The following ZNF43 variants were observed in gnomAD, a reference collection of about 807,000 sequenced individuals.
The protein encoded by ZNF43 is zinc finger protein 43, also known as zinc finger protein 39-like 1 (KOX 27).
In ZNF43, 44 loss-of-function variants were observed where a neutral mutation model predicts 68.4. That is an observed-to-expected ratio of 0.64 (90% CI 0.51 to 0.83). The LOEUF (loss-of-function observed/expected upper bound fraction) is 0.83, where lower values mean the gene tolerates loss of function less well. Among genes scored for constraint, ZNF43 ranks in the 40% least tolerant of loss-of-function variants. The pLI, the probability that ZNF43 is intolerant of heterozygous loss-of-function variation, is 0.00. For missense variants in ZNF43, 896 were observed against 933.2 expected (o/e 0.96, Z 0.52); for synonymous variants, 308 against 307.8 (o/e 1.00, Z -0.01).
Position 21,809,280 on chromosome 19 carries a change from T to C in ZNF43, c.757A>G (p.Thr253Ala), listed in dbSNP as rs1206800151. ...TCACATTTGTAGAGTTTGTATCTAG[T>C]ATAATTTTTTTTATGTGTAGTAAGG... is the stretch of plus-strand genomic sequence containing the variant. ...SRLTTHKKNY[T>A]RYKLYKCEEC... Residue 253 changes from threonine to alanine, a missense_variant, in exon 4 of 4, where the codon ACT becomes GCT. Thr to Ala is a moderately conservative substitution (Grantham distance 58). Coordinates refer to ENST00000354959, the MANE Select transcript of ZNF43 (RefSeq NM_003423.4). 6.2e-7 allele frequency: 1 copy of C among 1,613,530 alleles called. No individual in the cohort carries two copies. The highest frequency in any genetic ancestry group is 1.3e-5 in the African/African-American group (1 of 74,856).
intron 1 of ZNF43, 142 bp from the exon 2 acceptor site, chr19:21,819,363 A>G (rs1287524698): frequency 1.1e-6 from 1 of 946,920 alleles, no homozygotes; most frequent in African/African-American, 1.7e-5. Flanking sequence ...TTATCCAATA[A>G]AATAATTCTT....
rs560288043 is a variant in ZNF43 at position 21,823,998 on chromosome 19, G to A, written c.4-4777C>T. ...AGATCAAGACCATCCTGGCTAACAC[G>A]GTGAAACCCTGTCTCTACTAAAAAC... On this transcript the variant is annotated intron_variant, in intron 1 of 3. Coordinates refer to ENST00000354959, the MANE Select transcript of ZNF43 (RefSeq NM_003423.4). 5.3e-5 allele frequency among the ~76,000 whole-genome samples: 8 copies of A among 152,200 alleles called. No individual in the cohort carries two copies. In the South Asian group the frequency reaches 1.2e-3, roughly 24 times the overall value.
At chr19:21,814,977 C>T (rs958714996) in intron 3 of ZNF43, among the ~76,000 whole-genome samples, 5 of 151,742 alleles carry the variant, frequency 3.3e-5, no homozygotes, top group Non-Finnish European at 7.4e-5. Flanking sequence ...CACCTGAGGT[C>T]AGAAATTCAA....
At chr19:21,834,804 GAAGGA>G (rs937298007) in intron 1 of ZNF43, among the ~76,000 whole-genome samples, 4 of 149,982 alleles carry the variant, frequency 2.7e-5, no homozygotes, top group African/African-American at 9.9e-5. Flanking sequence ...AAAGAAAGAA[GAAGGA>G]AAGAAGAAAG....
chr19:21,826,621 A>C (rs1465134759), intron 1 of ZNF43: 1 of 152,378 alleles, frequency 6.6e-6, no homozygotes, highest in Non-Finnish European at 1.5e-5. Flanking sequence ...GCAGATCACC[A>C]GGTCAAGAGA....
At chr19:21,825,357 C>T (rs896383894) in intron 1 of ZNF43, among the ~76,000 whole-genome samples, 3 of 152,018 alleles carry the variant, frequency 2.0e-5, no homozygotes, top group Non-Finnish European at 2.9e-5. Context: ...TTATAGTGTC[C>T]AGTGTGACAT....
chr19:21,815,508 T>TATATATATATATATATATATATATA (rs1568355553), intron 3 of ZNF43, among the ~76,000 whole-genome samples: 1 of 148,900 alleles, frequency 6.7e-6, no homozygotes. Flanking sequence ...TATATATATA[T>TATATATATATATATATATATATATA]TTTGCAGAAT....
intron 1 of ZNF43, among the ~76,000 whole-genome samples, chr19:21,844,093 T>C (rs189124138): frequency 7.9e-5 from 12 of 152,200 alleles, no homozygotes; most frequent in Non-Finnish European, 1.2e-4. Context: ...ATCTTTGTGA[T>C]TGTATAAAAC....
At chr19:21,817,256 G>A (rs2037573392) in intron 3 of ZNF43, among the ~76,000 whole-genome samples, 3 of 149,148 alleles carry the variant, frequency 2.0e-5, no homozygotes, top group African/African-American at 7.4e-5. Flanking sequence ...TATCCAAAGT[G>A]ATCTATAAAT....
At chr19:21,819,012 A>G (rs2145217547) in intron 2 of ZNF43, 83 bp downstream of exon 2, 1 of 1,529,386 alleles carries the variant, frequency 6.5e-7, no homozygotes, top group Middle Eastern at 1.8e-4. Flanking sequence ...TGCAAAGTAT[A>G]AATTACCAAA....
In ZNF43 at chr19:21,807,056, C is replaced by G. The variant is rs1599435902; in HGVS notation, c.*551G>C. On this transcript the variant is annotated 3_prime_UTR_variant, in exon 4 of 4. Coordinates refer to ENST00000354959, the MANE Select transcript of ZNF43 (RefSeq NM_003423.4). ...TGTACTATCAACCAAGCATTATAGACCCTCATGTTTTATAAGCTGTAGTTT... is the reference window on the plus strand; with the variant it reads ...TGTACTATCAACCAAGCATTATAGAGCCTCATGTTTTATAAGCTGTAGTTT... 6.6e-6 allele frequency: 1 copy of G among 151,982 alleles called. No individual in the cohort carries two copies. Among genetic ancestry groups the G allele is most frequent in the African/African-American group, 2.4e-5 (1 of 41,370 alleles). The allele number at this position is 151,982 out of a possible 1,614,324, so 9.4% of individuals were successfully genotyped here.
chr19:21,842,856 C>A (rs1967638966), intron 1 of ZNF43, among the ~76,000 whole-genome samples: 1 of 152,024 alleles, frequency 6.6e-6, no homozygotes. Flanking sequence ...AATCACATAA[C>A]CTGTGGTCAG....
intron 1 of ZNF43, among the ~76,000 whole-genome samples, chr19:21,826,331 T>A (rs1406859848): frequency 2.6e-5 from 4 of 152,092 alleles, no homozygotes; most frequent in Admixed American, 2.6e-4. Context: ...TGTTTGGAAA[T>A]GGAATTTAAA....
intron 1 of ZNF43, among the ~76,000 whole-genome samples, chr19:21,846,193 G>C (rs1967942027): frequency 6.6e-6 from 1 of 152,160 alleles, no homozygotes; most frequent in Non-Finnish European, 1.5e-5. Context: ...AATCACTACA[G>C]TGGGCAGGGT....
intron 3 of ZNF43, among the ~76,000 whole-genome samples, chr19:21,813,484 C>G (rs1329282396): frequency 1.3e-5 from 2 of 151,940 alleles, no homozygotes; most frequent in African/African-American, 4.8e-5. Flanking sequence ...TATTATTCAG[C>G]CTTCAAATAG....
intron 1 of ZNF43, among the ~76,000 whole-genome samples, chr19:21,823,912 C>G (rs2037978202): frequency 6.6e-6 from 1 of 152,084 alleles, no homozygotes; most frequent in African/African-American, 2.4e-5. Flanking sequence ...TGGCCAGGCG[C>G]AGTGGCTCAC....
intron 1 of ZNF43, among the ~76,000 whole-genome samples, chr19:21,834,137 A>G (rs2038567184): frequency 6.6e-6 from 1 of 152,062 alleles, no homozygotes; most frequent in African/African-American, 2.4e-5. Context: ...TAGGAGTTCG[A>G]GACCAGCCTG....
At chr19:21,820,338 G>A (rs754061493) in intron 1 of ZNF43, among the ~76,000 whole-genome samples, 6 of 113,378 alleles carry the variant, frequency 5.3e-5, no homozygotes, top group Non-Finnish European at 1.0e-4. Flanking sequence ...CCAGCACTTT[G>A]GGAGGTCAAG....
chr19:21,812,125 CTTTT>C (rs1163721665), intron 3 of ZNF43: 1 of 382,724 alleles, frequency 2.6e-6, no homozygotes, highest in Admixed American at 4.5e-5. Context: ...ATACAAACAA[CTTTT>C]TTTTTCTTTT....
Sources: allele counts gnomAD v4.1 joint callset (sites outside exome capture counted in the v4.1 genomes callset), GRCh38; gene constraint gnomAD v4.1.1; transcripts MANE v1.5; gene names NCBI Gene and HGNC (gene_info 2026-07-23, HGNC 2026-07-21).